B3GAT2: variants seen among roughly 807,000 people sequenced by gnomAD.
The protein encoded by B3GAT2 is beta-1,3-glucuronyltransferase 2.
In B3GAT2, 26 loss-of-function variants were observed where a neutral mutation model predicts 27.8. The ratio of observed to expected loss-of-function variants is 0.93; its 90% CI spans 0.68 to 1.30. The LOEUF is 1.30. Ranked by LOEUF, B3GAT2 falls within the 50% of genes most tolerant of loss-of-function variation. B3GAT2 has a pLI of 0.00. For synonymous variants in B3GAT2, 218 were observed against 195.1 expected, an observed-to-expected ratio of 1.12 and a Z score of -0.98; for missense variants, 458 against 459.0, an observed-to-expected ratio of 1.00 and a Z score of 0.02.
intron 1 of B3GAT2, among the ~76,000 whole-genome samples, chr6:70,924,864 G>A (rs555921697): frequency 1.3e-5 from 2 of 152,318 alleles, no homozygotes; most frequent in African/African-American, 4.8e-5. Flanking sequence ...AGACATAGAT[G>A]TGAACAATTA....
At chr6:70,903,371 C>T (rs1772541238) in intron 1 of B3GAT2, among the ~76,000 whole-genome samples, 1 of 151,948 alleles carries the variant, frequency 6.6e-6, no homozygotes, top group African/African-American at 2.4e-5. Context: ...TGGACTTCAT[C>T]AAAATTAAAA....
At chr6:70,916,453 G>A (rs190926896) in intron 1 of B3GAT2, among the ~76,000 whole-genome samples, 87 of 152,324 alleles carry the variant, frequency 5.7e-4, no homozygotes, top group African/African-American at 2.0e-3. Flanking sequence ...GGAGTGGTGA[G>A]AGAGAGCATC....
chr6:70,893,312 A>AAG (rs1386116525), intron 2 of B3GAT2, among the ~76,000 whole-genome samples: 1 of 152,202 alleles, frequency 6.6e-6, no homozygotes, highest in Non-Finnish European at 1.5e-5. Context: ...ACAGGCTGGC[A>AAG]GCCCGACAGA....
At chr6:70,894,514 G>A (rs775603547) in intron 1 of B3GAT2, among the ~76,000 whole-genome samples, 1 of 152,192 alleles carries the variant, frequency 6.6e-6, no homozygotes, top group Non-Finnish European at 1.5e-5. Context: ...AAATAAAATG[G>A]TTGTCAATAT....
At chr6:70,921,911 G>A (rs1772877082) in intron 1 of B3GAT2, among the ~76,000 whole-genome samples, 1 of 152,182 alleles carries the variant, frequency 6.6e-6, no homozygotes, top group African/African-American at 2.4e-5. Context: ...TGATGGGCTG[G>A]TACTGGGCCC....
At chr6:70,898,193 T>A (rs1772426526) in intron 1 of B3GAT2, among the ~76,000 whole-genome samples, 1 of 152,202 alleles carries the variant, frequency 6.6e-6, no homozygotes, top group African/African-American at 2.4e-5. Context: ...TTTGGTGACA[T>A]CTTAACAATA....
At position 70,859,881 on chromosome 6, in the gene B3GAT2, CT is replaced by C; in HGVS notation, c.*1781del. On this transcript the variant is annotated 3_prime_UTR_variant, in exon 4 of 4. Coordinates refer to ENST00000230053, the MANE Select transcript of B3GAT2 (RefSeq NM_080742.3). The stretch of plus-strand genomic sequence containing the variant: ...TTTACTTCCTAAAATTTTCTTACTC[CT>C]TAGTAGTTAAAGCACAATATCCTAG... The C allele has an allele frequency of 4.7e-6, 1 of 214,364 alleles. No individual in the cohort carries two copies. The highest frequency in any genetic ancestry group is 1.1e-4 in the East Asian group (1 of 9,206). The allele number at this position is 214,364 out of a possible 1,614,324, so 13.3% of individuals were successfully genotyped here. A position where few individuals can be genotyped will look rare whatever the true frequency, so the allele number is the denominator to read the frequency against.
At chr6:70,938,255 GAT>G (rs552313775) in intron 1 of B3GAT2, among the ~76,000 whole-genome samples, 24,747 of 95,478 alleles carry the variant, frequency 0.26, 2,119 homozygotes, top group East Asian at 0.41. Flanking sequence ...AATAAAAGAG[GAT>G]ACAAACAAAT....
At chr6:70,866,120 G>A (rs1771846917) in intron 2 of B3GAT2, among the ~76,000 whole-genome samples, 1 of 152,162 alleles carries the variant, frequency 6.6e-6, no homozygotes, top group African/African-American at 2.4e-5. Flanking sequence ...CTCAGGCCAG[G>A]TACAGAACCA....
chr6:70,871,554 T>C (rs1771938483), intron 2 of B3GAT2, among the ~76,000 whole-genome samples: 1 of 152,028 alleles, frequency 6.6e-6, no homozygotes. Context: ...TCATAAAATT[T>C]ATGTAAGGTT....
chr6:70,948,642 A>T (rs1302076263), intron 1 of B3GAT2, among the ~76,000 whole-genome samples: 6 of 151,272 alleles, frequency 4.0e-5, no homozygotes, highest in Admixed American at 1.3e-4. Flanking sequence ...ATATCGTGAA[A>T]ATGGCCATAC....
intron 2 of B3GAT2, among the ~76,000 whole-genome samples, chr6:70,884,443 A>G (rs949287339): frequency 7.9e-5 from 12 of 152,236 alleles, no homozygotes; most frequent in African/African-American, 2.9e-4. Flanking sequence ...TCAAGCTATT[A>G]CCATCAGAGA....
intron 2 of B3GAT2, among the ~76,000 whole-genome samples, chr6:70,880,897 G>A (rs750404557): frequency 1.3e-5 from 2 of 152,152 alleles, no homozygotes; most frequent in Admixed American, 1.3e-4. Flanking sequence ...TCAAACTCCT[G>A]GCCTCAAACG....
intron 1 of B3GAT2, among the ~76,000 whole-genome samples, chr6:70,928,093 A>G (rs1393129991): frequency 2.6e-5 from 4 of 152,232 alleles, no homozygotes; most frequent in African/African-American, 9.6e-5. Flanking sequence ...TACTGGGTAC[A>G]TAATGAAATG....
At chr6:70,872,857 A>G (rs888023904) in intron 2 of B3GAT2, among the ~76,000 whole-genome samples, 1 of 151,896 alleles carries the variant, frequency 6.6e-6, no homozygotes, top group South Asian at 2.1e-4. Context: ...TTATTTTCTT[A>G]GAGGTTGCCA....
rs573388799 is a variant in B3GAT2, at chr6:70,885,539, G to T, written c.736+8589C>A. Among the ~76,000 whole-genome samples the T allele has an allele frequency of 2.6e-5, 4 of 152,240 alleles. No homozygotes were observed. In the South Asian group the frequency reaches 8.3e-4, roughly 32 times the overall value. ...TTTATCTCAGCATGCCATCCTGCAT[G>T]CTGAGCCAATTCATTGAATGATAAT... On this transcript the variant is annotated intron_variant, in intron 2 of 3. Coordinates refer to ENST00000230053, the MANE Select transcript of B3GAT2 (RefSeq NM_080742.3).
chr6:70,865,790 G>C (rs1457422648), intron 2 of B3GAT2, among the ~76,000 whole-genome samples: 2 of 152,120 alleles, frequency 1.3e-5, no homozygotes, highest in African/African-American at 4.8e-5. Context: ...TAACAAAAAG[G>C]CAGACAAAAT....
intron 2 of B3GAT2, among the ~76,000 whole-genome samples, chr6:70,887,879 T>C (rs1468953153): frequency 6.6e-6 from 1 of 151,886 alleles, no homozygotes; most frequent in Non-Finnish European, 1.5e-5. Flanking sequence ...CTGGAGGAAG[T>C]GATCTCTGCC....
At chr6:70,940,195 T>C (rs1478125303) in intron 1 of B3GAT2, among the ~76,000 whole-genome samples, 4 of 152,090 alleles carry the variant, frequency 2.6e-5, no homozygotes, top group Non-Finnish European at 5.9e-5. Context: ...CCTCTCTCTC[T>C]CCTACATTTT....
Sources: allele counts gnomAD v4.1 joint callset (sites outside exome capture counted in the v4.1 genomes callset), GRCh38; gene constraint gnomAD v4.1.1; transcripts MANE v1.5; gene names NCBI Gene and HGNC (gene_info 2026-07-23, HGNC 2026-07-21).